ERC2: variants seen among roughly 807,000 people sequenced by gnomAD.
The protein encoded by ERC2 is ELKS/RAB6-interacting/CAST family member 2.
In ERC2, 42 loss-of-function variants were observed where a neutral mutation model predicts 114.8. The observed-to-expected ratio is 0.37, with a 90% confidence interval of 0.29 to 0.47. The LOEUF (loss-of-function observed/expected upper bound fraction) is 0.47, where lower values mean the gene tolerates loss of function less well. Among genes scored for constraint, ERC2 ranks in the 20% least tolerant of loss-of-function variants. The probability of loss-of-function intolerance (pLI) is 0.99; values close to 1 mark genes in which losing one functional copy is unlikely to be tolerated. For missense variants in ERC2, 939 were observed against 1,150.7 expected (o/e 0.82, Z 2.66); for synonymous variants, 454 against 425.5 (o/e 1.07, Z -0.82).
chr3:55,870,654 C>T (rs2062540911), intron 14 of ERC2, among the ~76,000 whole-genome samples: 1 of 152,144 alleles, frequency 6.6e-6, no homozygotes, highest in African/African-American at 2.4e-5. Context: ...CGTGCTAATG[C>T]AACCCTCATC....
chr3:56,004,190 G>C (rs1266914887), intron 10 of ERC2, among the ~76,000 whole-genome samples: 1 of 151,718 alleles, frequency 6.6e-6, no homozygotes, highest in Non-Finnish European at 1.5e-5. Context: ...AATCACATAG[G>C]GTAAATTTAC....
intron 6 of ERC2, among the ~76,000 whole-genome samples, chr3:56,106,532 G>A (rs1327028854): frequency 6.6e-6 from 1 of 152,142 alleles, no homozygotes; most frequent in Non-Finnish European, 1.5e-5. Context: ...GGACTCTGGG[G>A]ACAAAGAAAA....
chr3:56,142,828 G>T (rs2080936017), intron 5 of ERC2, among the ~76,000 whole-genome samples: 1 of 149,546 alleles, frequency 6.7e-6, no homozygotes, highest in Non-Finnish European at 1.5e-5. Context: ...TTTTGGTACT[G>T]TGTACTAGTT....
At chr3:55,934,560 G>T (rs1424363038) in intron 13 of ERC2, among the ~76,000 whole-genome samples, 1 of 152,118 alleles carries the variant, frequency 6.6e-6, no homozygotes, top group Non-Finnish European at 1.5e-5. Context: ...GCTAGAAGAA[G>T]GAATGGATTC....
intron 3 of ERC2, among the ~76,000 whole-genome samples, chr3:56,227,210 T>C (rs2050304163): frequency 6.6e-6 from 1 of 152,178 alleles, no homozygotes; most frequent in Non-Finnish European, 1.5e-5. Flanking sequence ...CAGTGTGTTC[T>C]GTTACAAGAT....
chr3:55,661,053 G>A (rs2061109771), intron 17 of ERC2, among the ~76,000 whole-genome samples: 1 of 152,160 alleles, frequency 6.6e-6, no homozygotes, highest in African/African-American at 2.4e-5. Context: ...TGTCCTGTGG[G>A]CCAAGTCTCA....
intron 1 of ERC2, among the ~76,000 whole-genome samples, chr3:56,448,279 ACT>A (rs2062673699): frequency 6.6e-6 from 1 of 152,088 alleles, no homozygotes; most frequent in African/African-American, 2.4e-5. Context: ...TGGTGCTAAC[ACT>A]CTTAGAGCCC....
chr3:55,818,079 C>T (rs1314297070), intron 14 of ERC2, among the ~76,000 whole-genome samples: 2 of 152,186 alleles, frequency 1.3e-5, no homozygotes, highest in East Asian at 1.9e-4. Flanking sequence ...AAGGTCTGAA[C>T]GATGGGACTG....
At chr3:56,409,088 G>T (rs961938366) in intron 2 of ERC2, among the ~76,000 whole-genome samples, 1 of 152,170 alleles carries the variant, frequency 6.6e-6, no homozygotes, top group African/African-American at 2.4e-5. Context: ...TGCGGCTCCC[G>T]TGAGGCACCA....
In ERC2 at chr3:55,909,078, T is replaced by A. The variant is rs75929679; in HGVS notation, c.2404-20529A>T. On this transcript the variant is annotated intron_variant, in intron 13 of 17. Coordinates refer to ENST00000288221, the MANE Select transcript of ERC2 (RefSeq NM_015576.3). ...ACAGATCAGGCACAGGATGGTTAAA[T>A]AGGTCTACAGCCAAAAAGCTGGAAA... is the stretch of plus-strand genomic sequence containing the variant. Among the ~76,000 whole-genome samples, 580 of 152,298 alleles carry A rather than the reference T, an allele frequency of 3.8e-3. 2 individuals are homozygous for A. The highest frequency in any genetic ancestry group is 0.013 in the African/African-American group (553 of 41,574).
intron 15 of ERC2, among the ~76,000 whole-genome samples, chr3:55,705,650 T>C (rs2063441226): frequency 6.6e-6 from 1 of 152,164 alleles, no homozygotes; most frequent in Non-Finnish European, 1.5e-5. Context: ...GCATCAGTCC[T>C]TCCCTGAGCA....
At chr3:55,768,400 G>C (rs968926334) in intron 14 of ERC2, among the ~76,000 whole-genome samples, 2 of 152,232 alleles carry the variant, frequency 1.3e-5, no homozygotes, top group Non-Finnish European at 2.9e-5. Context: ...AATAGGCACT[G>C]TGCTTTGTGA....
At chr3:56,096,487 C>A (rs970288045) in intron 6 of ERC2, among the ~76,000 whole-genome samples, 3 of 152,044 alleles carry the variant, frequency 2.0e-5, no homozygotes, top group African/African-American at 7.2e-5. Context: ...GCAACCAAAG[C>A]AGTGGAGAGA....
intron 3 of ERC2, among the ~76,000 whole-genome samples, chr3:56,239,467 C>T (rs570677329): frequency 1.5e-4 from 23 of 152,126 alleles, no homozygotes; most frequent in South Asian, 1.0e-3. Context: ...GATCCCACCA[C>T]TGCACTCCAG....
intron 2 of ERC2, among the ~76,000 whole-genome samples, chr3:56,406,374 T>A (rs970726972): frequency 2.4e-4 from 37 of 151,914 alleles, no homozygotes; most frequent in Admixed American, 2.4e-3. Flanking sequence ...GTGTGAGGAG[T>A]CAGACCAGAG....
intron 2 of ERC2, among the ~76,000 whole-genome samples, chr3:56,361,845 AG>A (rs1290941364): frequency 6.6e-6 from 1 of 152,166 alleles, no homozygotes; most frequent in Non-Finnish European, 1.5e-5. Flanking sequence ...CATGGGTGCC[AG>A]GGTACAACCC....
intron 15 of ERC2, among the ~76,000 whole-genome samples, chr3:55,727,294 G>A (rs914355041): frequency 3.9e-5 from 6 of 152,208 alleles, no homozygotes; most frequent in Non-Finnish European, 7.4e-5. Flanking sequence ...TCCCAATTGA[G>A]GCCCTCTCTC....
chr3:55,954,081 T>TTTAAAAAA (rs1390720369), intron 12 of ERC2, among the ~76,000 whole-genome samples: 2 of 50,356 alleles, frequency 4.0e-5, no homozygotes, highest in African/African-American at 1.7e-4. Flanking sequence ...CTCCATTATT[T>TTTAAAAAA]AAAAAAAAAA....
intron 2 of ERC2, among the ~76,000 whole-genome samples, chr3:56,414,633 A>G (rs1247499590): frequency 6.6e-6 from 1 of 151,802 alleles, no homozygotes; most frequent in Non-Finnish European, 1.5e-5. Context: ...GCTGAGGCAG[A>G]AGAATTGCTT....
Sources: gnomAD v4.1 joint callset for allele counts (sites outside exome capture counted in the v4.1 genomes callset) on GRCh38, gnomAD v4.1.1 for gene constraint, MANE v1.5 for transcripts, NCBI Gene and HGNC (gene_info 2026-07-23, HGNC 2026-07-21) for gene names.